Variants in KCNH8 observed in about 807,000 individuals in gnomAD.
KCNH8 encodes the protein potassium voltage-gated channel subfamily H member 8, also known as voltage-gated delayed rectifier potassium channel KCNH8.
KCNH8 carries 70 observed loss-of-function variants against 103.6 expected under a neutral mutation model. The ratio of observed to expected loss-of-function variants is 0.68; its 90% CI spans 0.56 to 0.82. KCNH8 has a LOEUF of 0.82. KCNH8 is among the 40% of genes least tolerant of loss of function. KCNH8 has a pLI of 0.00. For missense variants in KCNH8, 1,217 were observed against 1,329.9 expected (o/e 0.92, Z 1.32); for synonymous variants, 498 against 489.4 (o/e 1.02, Z -0.23).
At chr3:19,358,336 A>C (rs183712641) in intron 5 of KCNH8, among the ~76,000 whole-genome samples, 31 of 105,566 alleles carry the variant, frequency 2.9e-4, no homozygotes, top group African/African-American at 1.0e-3. Flanking sequence ...TTTTTCTTTC[A>C]TTTCTTTCTC....
chr3:19,250,287 A>G (rs1012184134), intron 1 of KCNH8, among the ~76,000 whole-genome samples: 3 of 152,152 alleles, frequency 2.0e-5, no homozygotes, highest in Non-Finnish European at 4.4e-5. Flanking sequence ...ATGACAAAAC[A>G]TAGTGAAGAG....
chr3:19,475,863 A>C (rs1392650788), intron 11 of KCNH8, among the ~76,000 whole-genome samples: 1 of 152,160 alleles, frequency 6.6e-6, no homozygotes, highest in African/African-American at 2.4e-5. Context: ...GTGGCTTGTA[A>C]TCCCATTACG....
chr3:19,252,908 C>T (rs981166402), intron 1 of KCNH8, among the ~76,000 whole-genome samples: 4 of 152,136 alleles, frequency 2.6e-5, no homozygotes, highest in Admixed American at 2.6e-4. Context: ...TGTTTTCTGG[C>T]ATCTTGCTGC....
At chr3:19,485,578 T>C (rs1253789362) in intron 11 of KCNH8, among the ~76,000 whole-genome samples, 2 of 152,218 alleles carry the variant, frequency 1.3e-5, no homozygotes, top group African/African-American at 4.8e-5. Context: ...CACAGCTACC[T>C]TCCTATCTGG....
chr3:19,487,489 G>A (rs1401275124), intron 11 of KCNH8, among the ~76,000 whole-genome samples: 3 of 152,138 alleles, frequency 2.0e-5, no homozygotes, highest in Admixed American at 2.0e-4. Flanking sequence ...AAGCGCCTGA[G>A]ATGAACCTGG....
intron 3 of KCNH8, among the ~76,000 whole-genome samples, chr3:19,317,207 G>A (rs1274299920): frequency 1.3e-5 from 2 of 151,772 alleles, no homozygotes; most frequent in African/African-American, 4.8e-5. Flanking sequence ...TATTATTTCA[G>A]TACCTACCAT....
intron 3 of KCNH8, among the ~76,000 whole-genome samples, chr3:19,334,026 A>G (rs1323687524): frequency 6.6e-6 from 1 of 152,192 alleles, no homozygotes; most frequent in Non-Finnish European, 1.5e-5. Context: ...CAATGCAGTT[A>G]TAAGATATTT....
rs750790462 is a variant in KCNH8 at position 19,533,563 on chromosome 3, G to T, written c.2788G>T (p.Ala930Ser). The change falls in exon 16 of 16, where the codon GCA becomes TCA. Residue 930 changes from alanine (A) to serine (S), a missense_variant. By Grantham distance (99) the Ala-to-Ser change is moderately conservative. Around this residue, in one of 3 missense-constraint regions of KCNH8, gnomAD observed 558 missense variants for 495.8 expected, o/e 1.13. Transcript: ENST00000328405. Reference sequence around the variant, plus strand: ...CTTACAGACCAGAACGAGCTGGAGTGCACACCAGCCTTGCCTACACTTGCA... The same window carrying T: ...CTTACAGACCAGAACGAGCTGGAGTTCACACCAGCCTTGCCTACACTTGCA... ...ESLQTRTSWS[A>S]HQPCLHLQTG... The T allele has an allele frequency of 6.2e-7, 1 of 1,614,208 alleles. No homozygotes were observed. The highest frequency in any genetic ancestry group is 8.5e-7 in the Non-Finnish European group (1 of 1,180,034).
rs141988391 is a variant in KCNH8 at position 19,330,210 on chromosome 3, G to A, written c.443-12377G>A. On this transcript the variant is annotated intron_variant, in intron 3 of 15. Transcript: ENST00000328405. ...GTCTAGAATTCTCTTTCTTCCATAA[G>A]CTTGGCCAAAAGTATGTTTTCTAGG... 8.7e-4 allele frequency among the ~76,000 whole-genome samples: 133 copies of A among 152,158 alleles called. 1 individual carries two copies. Among genetic ancestry groups the A allele is most frequent in the African/African-American group, 3.1e-3 (129 of 41,508 alleles).
chr3:19,286,703 G>A lies in KCNH8; in HGVS notation c.442+5374G>A, dbSNP rs980998819. On this transcript the variant is annotated intron_variant, in intron 3 of 15. Transcript: ENST00000328405. Reference sequence around the variant, plus strand: ...CTCTAGATTACTTATAATGCCCAATGCAATGTAAATGCTATGAAAATGATT... The same window carrying A: ...CTCTAGATTACTTATAATGCCCAATACAATGTAAATGCTATGAAAATGATT... 2.6e-5 allele frequency among the ~76,000 whole-genome samples: 4 copies of A among 152,096 alleles called. No individual in the cohort carries two copies. In the East Asian group the frequency reaches 7.7e-4, roughly 29 times the overall value.
At chr3:19,255,755 A>G (rs993285932) in intron 2 of KCNH8, among the ~76,000 whole-genome samples, 1 of 152,162 alleles carries the variant, frequency 6.6e-6, no homozygotes, top group Non-Finnish European at 1.5e-5. Context: ...TAAAAAAAAA[A>G]GATAGTTCCA....
At chr3:19,324,503 G>T (rs2125305784) in intron 3 of KCNH8, among the ~76,000 whole-genome samples, 1 of 152,274 alleles carries the variant, frequency 6.6e-6, no homozygotes, top group Middle Eastern at 3.4e-3. Context: ...TCCTCAACAT[G>T]TGGGGATTAT....
chr3:19,409,994 A>G (rs967874211), intron 7 of KCNH8, among the ~76,000 whole-genome samples: 36 of 152,100 alleles, frequency 2.4e-4, no homozygotes, highest in African/African-American at 8.7e-4. Context: ...GAAATTCTGG[A>G]CTTAAACTCA....
At chr3:19,181,842 G>A (rs186543282) in intron 1 of KCNH8, among the ~76,000 whole-genome samples, 144 of 152,204 alleles carry the variant, frequency 9.5e-4, no homozygotes, top group African/African-American at 3.3e-3. Flanking sequence ...AAATATCCTT[G>A]ATCTAGAAAT....
At chr3:19,270,168 T>C (rs953877118) in intron 2 of KCNH8, among the ~76,000 whole-genome samples, 3 of 152,172 alleles carry the variant, frequency 2.0e-5, no homozygotes, top group Non-Finnish European at 4.4e-5. Context: ...CATTTTTTAA[T>C]GTATTGTCTA....
intron 15 of KCNH8, among the ~76,000 whole-genome samples, chr3:19,528,777 T>C (rs2069108793): frequency 1.3e-5 from 2 of 152,096 alleles, no homozygotes; most frequent in African/African-American, 2.4e-5. Context: ...ATTGTATTTA[T>C]TTTTACATTG....
rs141838728 is a variant in KCNH8 at position 19,279,252 on chromosome 3, G to A, written c.311-1946G>A. ...CAATTAAGAACCATTCTGGGATGAC[G>A]AGGATAGCAGTGTTTGGCTATGGGT... is the stretch of plus-strand genomic sequence containing the variant. On this transcript the variant is annotated intron_variant, in intron 2 of 15. Coordinates refer to ENST00000328405, the MANE Select transcript of KCNH8 (RefSeq NM_144633.3). Among the ~76,000 whole-genome samples the A allele has an allele frequency of 4.1e-3, 626 of 152,232 alleles. 1 individual carries two copies. Among genetic ancestry groups the A allele is most frequent in the African/African-American group, 0.014 (578 of 41,548 alleles).
At chr3:19,297,782 A>G (rs928870500) in intron 3 of KCNH8, among the ~76,000 whole-genome samples, 1 of 152,180 alleles carries the variant, frequency 6.6e-6, no homozygotes, top group African/African-American at 2.4e-5. Context: ...TGGTGAAAGG[A>G]GTTTCTCAAA....
chr3:19,533,688 A>G lies in KCNH8; in HGVS notation c.2913A>G (p.Gln971=), dbSNP rs746916974. 199 of 1,614,038 alleles carry G rather than the reference A, an allele frequency of 1.2e-4. No individual in the cohort carries two copies. The Middle Eastern group carries it at 2.5e-3, about 20-fold the overall frequency. The change falls in exon 16 of 16, where the codon CAA becomes CAG. Residue 971 remains glutamine, a synonymous_variant. Transcript: ENST00000328405. Reference sequence around the variant, plus strand: ...CCTCCTCTGTGGGGAGCAGCCCCCAACGAACTGGAGCTCATGAGCAAAATC... The same window carrying G: ...CCTCCTCTGTGGGGAGCAGCCCCCAGCGAACTGGAGCTCATGAGCAAAATC... ...VDPSSVGSSP[Q]RTGAHEQNPA...
Sources: allele counts gnomAD v4.1 joint callset (sites outside exome capture counted in the v4.1 genomes callset), GRCh38; gene constraint gnomAD v4.1.1; regional missense constraint gnomAD v4.1.1; transcripts MANE v1.5; gene names NCBI Gene and HGNC (gene_info 2026-07-23, HGNC 2026-07-21).